Variants in POMZP3 observed in about 807,000 individuals in gnomAD.
The protein encoded by POMZP3 is POM121 and ZP3 fusion protein.
A neutral mutation model predicts 19.8 loss-of-function variants in POMZP3; 10 were observed. The observed-to-expected ratio is 0.51, with a 90% CI of 0.31 to 0.86. The LOEUF is 0.86. Among genes scored for constraint, POMZP3 ranks in the 40% least tolerant of loss-of-function variants. The pLI is 0.04. For synonymous variants in POMZP3, 57 were observed against 85.8 expected, an observed-to-expected ratio of 0.66 and a Z score of 1.85; for missense variants, 152 against 228.1, an observed-to-expected ratio of 0.67 and a Z score of 2.15.
At chr7:76,618,492 C>T (rs752759450) in intron 3 of POMZP3, 192 bp from the exon 4 acceptor site, 33 of 757,326 alleles carry the variant, frequency 4.4e-5, no homozygotes, top group East Asian at 3.2e-5. Flanking sequence ...TGCAGCAGTG[C>T]ACACCTGTAA....
intron 3 of POMZP3, among the ~76,000 whole-genome samples, chr7:76,620,860 C>CTTTTTTTTTTTTTTTTTT (rs752303123): frequency 1.0e-5 from 1 of 100,270 alleles, no homozygotes; most frequent in Admixed American, 1.1e-4. Context: ...GCTGTAAAGC[C>CTTTTTTTTTTTTTTTTTT]ATTTTTTTTT....
intron 2 of POMZP3, 27 bp from the exon 3 acceptor site, chr7:76,625,710 G>A: frequency 1.9e-6 from 3 of 1,606,080 alleles, no homozygotes; most frequent in Non-Finnish European, 2.5e-6. Flanking sequence ...GATTCTAGCA[G>A]TAAGATATTT....
At chr7:76,626,624 A>G (rs1815915563) in intron 1 of POMZP3, 84 bp downstream of exon 1, 2 of 1,272,158 alleles carry the variant, frequency 1.6e-6, no homozygotes, top group Non-Finnish European at 1.0e-6. Flanking sequence ...TTCGGATTTG[A>G]TGAAAAAGCA....
At chr7:76,621,893 T>C (rs1221370031) in intron 3 of POMZP3, among the ~76,000 whole-genome samples, 2 of 122,956 alleles carry the variant, frequency 1.6e-5, no homozygotes, top group African/African-American at 3.2e-5. Context: ...TGAGCCGAGA[T>C]AGCGCTACTG....
At position 76,610,149 on chromosome 7, in the gene POMZP3, A is replaced by AC. The variant is rs1815018585; in HGVS notation, c.*77dup. On this transcript the variant is annotated 3_prime_UTR_variant, in exon 7 of 7. Transcript: ENST00000310842. Reference sequence around the variant, plus strand: ...GTCAGAAGGCAAAGCCCACTGCTCTACTTCATGGTCACCCCTCCTGTCCAG... The same window carrying AC: ...GTCAGAAGGCAAAGCCCACTGCTCTACCTTCATGGTCACCCCTCCTGTCCAG... 6.3e-7 allele frequency: 1 copy of AC among 1,580,350 alleles called. No homozygotes were observed. Among genetic ancestry groups the AC allele is most frequent in the Admixed American group, 1.8e-5 (1 of 56,912 alleles).
At chr7:76,612,025 C>G (rs566353796) in intron 4 of POMZP3, among the ~76,000 whole-genome samples, 6,004 of 147,196 alleles carry the variant, frequency 0.041, 269 homozygotes, top group African/African-American at 0.15. Flanking sequence ...ATGGTGAAAC[C>G]CCATCGCTAC....
Position 76,626,184 on chromosome 7 carries a change from T to C in POMZP3, c.-120A>G, listed in dbSNP as rs942835923. 11 of 1,574,864 alleles carry C rather than the reference T, an allele frequency of 7.0e-6. No individual in the cohort carries two copies. The highest frequency in any genetic ancestry group is 4.1e-5 in the African/African-American group (3 of 73,712). On this transcript the variant is annotated 5_prime_UTR_variant, in exon 2 of 7. An upstream open reading frame in the 5' UTR loses its in-frame stop. Transcript: ENST00000310842. The stretch of plus-strand genomic sequence containing the variant: ...ATCGGATAGCGTCTTCGAGGTGTTA[T>C]TACAAACCGATCTGGTAAAGTCCCA...
chr7:76,614,421 T>C (rs1263195092), intron 4 of POMZP3, among the ~76,000 whole-genome samples: 1 of 79,954 alleles, frequency 1.3e-5, no homozygotes, highest in Non-Finnish European at 2.6e-5. Flanking sequence ...TAGCTGGGCA[T>C]GGTGGCAGGT....
chr7:76,610,336 A>T, intron 6 of POMZP3, 121 bp from the exon 7 acceptor site: 1 of 1,150,188 alleles, frequency 8.7e-7, no homozygotes, highest in Non-Finnish European at 1.3e-6. Context: ...TGGGCTAATA[A>T]ACAGTTTCTA....
chr7:76,622,428 G>A (rs1435261921), intron 3 of POMZP3, among the ~76,000 whole-genome samples: 1 of 130,158 alleles, frequency 7.7e-6, no homozygotes, highest in Middle Eastern at 4.0e-3. Context: ...ACCCAGGCTG[G>A]AGTGCAGTGG....
In POMZP3 at chr7:76,626,119, T is replaced by C; in HGVS notation, c.-55A>G. 6.2e-7 allele frequency: 1 copy of C among 1,613,368 alleles called. No individual in the cohort carries two copies. The highest frequency in any genetic ancestry group is 8.5e-7 in the Non-Finnish European group (1 of 1,179,542). The stretch of plus-strand genomic sequence containing the variant: ...TCTTGTGATAACCATTCCAGCACAC[T>C]GTGGGAAGTACCCCCGGACAGGAAT... On this transcript the variant is annotated 5_prime_UTR_variant, in exon 2 of 7. Coordinates refer to ENST00000310842, the MANE Select transcript of POMZP3 (RefSeq NM_012230.5).
chr7:76,619,456 T>TA (rs1168119690), intron 3 of POMZP3, among the ~76,000 whole-genome samples: 1 of 150,994 alleles, frequency 6.6e-6, no homozygotes, highest in East Asian at 1.9e-4. Flanking sequence ...CCCCACAACA[T>TA]ACACAGTAGG....
chr7:76,613,454 A>G (rs1385359822), intron 4 of POMZP3, among the ~76,000 whole-genome samples: 4 of 96,072 alleles, frequency 4.2e-5, no homozygotes, highest in African/African-American at 1.4e-4. Flanking sequence ...GAGCTGAAGG[A>G]CCCCCCCCAC....
Position 76,626,854 on chromosome 7 carries a change from C to T in POMZP3, c.-298G>A. The T allele has an allele frequency of 7.1e-7, 1 of 1,399,018 alleles. No homozygotes were observed. The highest frequency in any genetic ancestry group is 9.2e-7 in the Non-Finnish European group (1 of 1,085,740). The allele number at this position is 1,399,018 out of a possible 1,614,324, so 86.7% of individuals were successfully genotyped here. A position where few individuals can be genotyped will look rare whatever the true frequency, so the allele number is the denominator to read the frequency against. The stretch of plus-strand genomic sequence containing the variant: ...GCCAGGCCTATTCCGCAGGTCCTGG[C>T]CCTCCGGAGCGGGGGCGGGCTGCGG... On this transcript the variant is annotated 5_prime_UTR_variant, in exon 1 of 7. Transcript: ENST00000310842.
At chr7:76,625,389 T>C in intron 3 of POMZP3, 133 bp downstream of exon 3, 1 of 1,449,292 alleles carries the variant, frequency 6.9e-7, no homozygotes, top group Non-Finnish European at 9.5e-7. Context: ...GGTTCTTTCA[T>C]GAAAGCCAAA....
Position 76,626,860 on chromosome 7 carries a change from G to C in POMZP3, c.-304C>G, listed in dbSNP as rs928799671. 1.4e-6 allele frequency: 2 copies of C among 1,397,702 alleles called. No individual in the cohort carries two copies. Among genetic ancestry groups the C allele is most frequent in the African/African-American group, 1.6e-5 (1 of 61,794 alleles). 86.6% of individuals were successfully genotyped at this position (1,397,702 alleles called of 1,614,324 possible). A position where few individuals can be genotyped will look rare whatever the true frequency, so the allele number is the denominator to read the frequency against. ...CCTATTCCGCAGGTCCTGGCCCTCC[G>C]GAGCGGGGGCGGGCTGCGGCGGCCC... On this transcript the variant is annotated 5_prime_UTR_variant, in exon 1 of 7. Transcript: ENST00000310842.
At chr7:76,621,471 T>G (rs1315304610) in intron 3 of POMZP3, 3 of 150,344 alleles carry the variant, frequency 2.0e-5, no homozygotes, top group African/African-American at 7.4e-5. Flanking sequence ...TTTTTTTAAC[T>G]TCTACTATTG....
intron 3 of POMZP3, chr7:76,618,596 G>A (rs1188197320): frequency 9.3e-5 from 35 of 375,248 alleles, no homozygotes; most frequent in Non-Finnish European, 1.7e-4. Flanking sequence ...ACTAGCCTGG[G>A]TGACAGACTG....
chr7:76,617,705 A>G, intron 4 of POMZP3, among the ~76,000 whole-genome samples: 1 of 100,794 alleles, frequency 9.9e-6, no homozygotes, highest in Non-Finnish European at 2.0e-5. Context: ...TTTTTTGGAG[A>G]TGGAGTCTCA....
Sources: gnomAD v4.1 joint callset for allele counts (sites outside exome capture counted in the v4.1 genomes callset) on GRCh38, gnomAD v4.1.1 for gene constraint, MANE v1.5 for transcripts, NCBI Gene and HGNC (gene_info 2026-07-23, HGNC 2026-07-21) for gene names.